The following RGS7 variants were observed in gnomAD, a reference collection of about 807,000 sequenced individuals.
RGS7 encodes regulator of G protein signaling 7.
RGS7 carries 27 observed loss-of-function variants against 81.1 expected under a neutral mutation model. That is an observed-to-expected ratio of 0.33 (90% CI 0.25 to 0.46). RGS7 has a LOEUF of 0.46. RGS7 is among the 20% of genes least tolerant of loss of function. The pLI is 1.00. For missense variants in RGS7, 396 were observed against 607.4 expected (o/e 0.65, Z 3.66); for synonymous variants, 208 against 207.7 (o/e 1.00, Z -0.01).
intron 2 of RGS7, among the ~76,000 whole-genome samples, chr1:241,221,006 A>AGAGAGGAAGGAAGG (rs1553289481): frequency 1.2e-4 from 10 of 84,644 alleles, no homozygotes; most frequent in African/African-American, 4.0e-4. Context: ...AGAGAGAGAG[A>AGAGAGGAAGGAAGG]AAGGAAGGAA....
intron 2 of RGS7, among the ~76,000 whole-genome samples, chr1:241,346,058 T>A (rs928856233): frequency 6.6e-6 from 1 of 152,086 alleles, no homozygotes; most frequent in Non-Finnish European, 1.5e-5. Context: ...ATTTTTCAAC[T>A]TGCAGAGTTT....
chr1:241,049,273 C>T (rs2061122476), intron 3 of RGS7, among the ~76,000 whole-genome samples: 1 of 152,172 alleles, frequency 6.6e-6, no homozygotes, highest in African/African-American at 2.4e-5. Flanking sequence ...GTTTTGGTGC[C>T]TTTTACATTC....
At chr1:241,178,338 T>G (rs2071327658) in intron 2 of RGS7, among the ~76,000 whole-genome samples, 1 of 152,044 alleles carries the variant, frequency 6.6e-6, no homozygotes, top group Admixed American at 6.6e-5. Flanking sequence ...GAAAAGATTC[T>G]AGGAGACAGT....
chr1:240,871,982 T>C (rs935407516), intron 6 of RGS7, among the ~76,000 whole-genome samples: 18 of 152,174 alleles, frequency 1.2e-4, no homozygotes, highest in African/African-American at 4.3e-4. Flanking sequence ...TTTGGGGAAA[T>C]GTTTCTCACC....
intron 9 of RGS7, among the ~76,000 whole-genome samples, chr1:240,855,135 T>C (rs900370743): frequency 6.6e-6 from 1 of 152,010 alleles, no homozygotes; most frequent in Non-Finnish European, 1.5e-5. Context: ...TTTCTCTAGG[T>C]ATCTATTTTT....
chr1:240,913,344 G>A (rs1213656485), intron 6 of RGS7, among the ~76,000 whole-genome samples: 1 of 152,132 alleles, frequency 6.6e-6, no homozygotes, highest in Non-Finnish European at 1.5e-5. Context: ...TAAATCAGAT[G>A]TTTTAGTCCT....
Position 241,207,703 on chromosome 1 carries a change from G to C in RGS7, c.79-108941C>G, listed in dbSNP as rs572662236. Among the ~76,000 whole-genome samples the C allele has an allele frequency of 3.3e-5, 5 of 152,182 alleles. No individual in the cohort carries two copies. In the East Asian group the frequency reaches 9.7e-4, roughly 29 times the overall value. ...AATCAATTGAAATGTTCAAGTAGAA[G>C]ACATTTTGCAATTTTTAAATATCTT... On this transcript the variant is annotated intron_variant, in intron 2 of 18. Coordinates refer to ENST00000440928, the MANE Select transcript of RGS7 (RefSeq NM_001364886.1).
rs536754415 is a variant in RGS7 at position 241,218,479 on chromosome 1, G to A, written c.79-119717C>T. On this transcript the variant is annotated intron_variant, in intron 2 of 18. Transcript: ENST00000440928. The stretch of plus-strand genomic sequence containing the variant: ...CAGCTAAACACTCAACTCCACATAA[G>A]TTGCATTTGATATCGGGTTCACTCG... 2.6e-5 allele frequency among the ~76,000 whole-genome samples: 4 copies of A among 152,238 alleles called. No individual in the cohort carries two copies. In the South Asian group the frequency reaches 8.3e-4, roughly 32 times the overall value.
intron 3 of RGS7, among the ~76,000 whole-genome samples, chr1:241,043,724 T>C (rs1243192034): frequency 1.3e-5 from 2 of 151,382 alleles, no homozygotes; most frequent in East Asian, 1.9e-4. Context: ...TTAAAAAATA[T>C]AAATACAAAA....
intron 2 of RGS7, among the ~76,000 whole-genome samples, chr1:241,277,807 T>C (rs916589210): frequency 6.6e-6 from 1 of 152,200 alleles, no homozygotes; most frequent in Non-Finnish European, 1.5e-5. Context: ...AGTAGAGGTC[T>C]AGTAGCTGAG....
chr1:240,873,406 C>T (rs1664828320), intron 6 of RGS7, among the ~76,000 whole-genome samples: 1 of 152,128 alleles, frequency 6.6e-6, no homozygotes, highest in Non-Finnish European at 1.5e-5. Context: ...ATTTGGAAGA[C>T]TTGGGAGGTC....
chr1:241,355,481 C>G (rs1473157318), intron 2 of RGS7, among the ~76,000 whole-genome samples: 1 of 152,172 alleles, frequency 6.6e-6, no homozygotes, highest in Non-Finnish European at 1.5e-5. Flanking sequence ...TCAAAACCAG[C>G]AGGGAACACG....
intron 9 of RGS7, among the ~76,000 whole-genome samples, chr1:240,851,304 C>T (rs1011091093): frequency 1.3e-5 from 2 of 152,146 alleles, no homozygotes; most frequent in African/African-American, 4.8e-5. Context: ...ACAAATGAAA[C>T]AACAAATCCT....
chr1:240,803,498 G>T (rs1181200000), intron 15 of RGS7, among the ~76,000 whole-genome samples: 1 of 152,050 alleles, frequency 6.6e-6, no homozygotes, highest in Non-Finnish European at 1.5e-5. Context: ...CCCACTTTGG[G>T]TCAGAGCACA....
At chr1:241,209,186 ACT>A (rs1284045671) in intron 2 of RGS7, among the ~76,000 whole-genome samples, 1 of 152,118 alleles carries the variant, frequency 6.6e-6, no homozygotes, top group African/African-American at 2.4e-5. Flanking sequence ...GGCACTGTCC[ACT>A]CTGCCACTTT....
chr1:240,840,399 GAGTAGCTGGGAC>G (rs965966484), intron 9 of RGS7, among the ~76,000 whole-genome samples: 1 of 151,856 alleles, frequency 6.6e-6, no homozygotes, highest in African/African-American at 2.4e-5. Flanking sequence ...TCAGCCTCCC[GAGTAGCTGGGAC>G]TACAGGCATG....
chr1:240,864,183 C>T (rs1319825389), intron 9 of RGS7, among the ~76,000 whole-genome samples: 1 of 152,158 alleles, frequency 6.6e-6, no homozygotes, highest in Non-Finnish European at 1.5e-5. Context: ...TTTTAGTCCA[C>T]TCTTTATGAC....
chr1:240,810,904 C>T (rs915320689), intron 14 of RGS7, among the ~76,000 whole-genome samples: 1 of 152,182 alleles, frequency 6.6e-6, no homozygotes. Context: ...GAATAGGAAG[C>T]TGCATGCCAG....
chr1:241,252,358 T>C (rs2880130), intron 2 of RGS7, among the ~76,000 whole-genome samples: 25,577 of 152,094 alleles, frequency 0.17, 2,444 homozygotes, highest in African/African-American at 0.25. Flanking sequence ...CTTTCTTTCT[T>C]GATAACTGTA....
Sources: allele counts gnomAD v4.1 joint callset (sites outside exome capture counted in the v4.1 genomes callset), GRCh38; gene constraint gnomAD v4.1.1; transcripts MANE v1.5; gene names NCBI Gene and HGNC (gene_info 2026-07-23, HGNC 2026-07-21).